Variants in UBE3C observed in about 807,000 individuals in gnomAD.
UBE3C encodes the protein ubiquitin protein ligase E3C, also known as ubiquitin-protein ligase E3C.
Under a neutral mutation model 129.4 loss-of-function variants are expected in UBE3C, and 42 were observed. The observed-to-expected ratio is 0.32, with a 90% CI of 0.25 to 0.42. The LOEUF (loss-of-function observed/expected upper bound fraction) is 0.42. Ranked by LOEUF, UBE3C falls within the 10% of genes least tolerant of loss-of-function variation. UBE3C has a pLI of 1.00. For missense variants in UBE3C, 1,049 were observed against 1,319.1 expected, an observed-to-expected ratio of 0.80 and a Z score of 3.17; for synonymous variants, 510 against 492.4, an observed-to-expected ratio of 1.04 and a Z score of -0.47.
chr7:157,238,901 A>T (rs1420269256), intron 18 of UBE3C, among the ~76,000 whole-genome samples: 2 of 152,218 alleles, frequency 1.3e-5, no homozygotes, highest in Non-Finnish European at 2.9e-5. Flanking sequence ...AAATAAAGAC[A>T]GTGTTTGAAA....
chr7:157,154,125 A>G (rs1362208477), intron 1 of UBE3C, among the ~76,000 whole-genome samples: 2 of 152,150 alleles, frequency 1.3e-5, no homozygotes, highest in Non-Finnish European at 2.9e-5. Context: ...AGTTCAGACC[A>G]GTCTGGCCAA....
intron 10 of UBE3C, 131 bp from the exon 11 acceptor site, chr7:157,201,590 A>C: frequency 1.8e-6 from 1 of 566,178 alleles, no homozygotes. Context: ...TTTTTGTGGT[A>C]TTAGTACAGA....
intron 22 of UBE3C, among the ~76,000 whole-genome samples, chr7:157,262,699 G>A (rs1260151021): frequency 6.6e-6 from 1 of 152,088 alleles, no homozygotes; most frequent in South Asian, 2.1e-4. Context: ...GGGATTACAG[G>A]CATGAGCCAC....
chr7:157,233,945 T>C (rs749768573), intron 18 of UBE3C, among the ~76,000 whole-genome samples: 11 of 152,242 alleles, frequency 7.2e-5, no homozygotes, highest in Non-Finnish European at 1.5e-4. Context: ...TGGTGACTAA[T>C]AATGTTGACC....
chr7:157,230,049 C>A (rs762282141), intron 17 of UBE3C, among the ~76,000 whole-genome samples: 28 of 152,054 alleles, frequency 1.8e-4, no homozygotes, highest in Non-Finnish European at 4.1e-4. Context: ...GCTGGGATTA[C>A]AGACATGTGC....
intron 21 of UBE3C, among the ~76,000 whole-genome samples, chr7:157,254,722 T>C (rs1412234788): frequency 6.6e-6 from 1 of 152,028 alleles, no homozygotes; most frequent in Admixed American, 6.5e-5. Flanking sequence ...TATTGTACTC[T>C]TTTGTAGGGG....
intron 10 of UBE3C, among the ~76,000 whole-genome samples, chr7:157,193,309 T>G (rs1216491971): frequency 6.6e-6 from 1 of 152,178 alleles, no homozygotes; most frequent in African/African-American, 2.4e-5. Flanking sequence ...ATTATTGCCT[T>G]TGTACTTGTG....
At chr7:157,258,946 G>C (rs1313689090) in intron 22 of UBE3C, among the ~76,000 whole-genome samples, 2 of 152,154 alleles carry the variant, frequency 1.3e-5, no homozygotes, top group Non-Finnish European at 1.5e-5. Flanking sequence ...TGAATCATTT[G>C]AGAATAGGTT....
intron 10 of UBE3C, among the ~76,000 whole-genome samples, chr7:157,192,212 C>T (rs550628275): frequency 7.2e-5 from 11 of 152,306 alleles, no homozygotes; most frequent in African/African-American, 2.6e-4. Context: ...ATAATTGTTT[C>T]CCGGGAAATA....
chr7:157,224,393 G>A (rs1426110817), intron 16 of UBE3C, among the ~76,000 whole-genome samples: 2 of 151,688 alleles, frequency 1.3e-5, no homozygotes, highest in East Asian at 1.9e-4. Flanking sequence ...ACGGGGTTTC[G>A]CCGTGTTAGC....
rs751049102 is a variant in UBE3C at position 157,247,692 on chromosome 7, C to CA, written c.2482-665dup. Among the ~76,000 whole-genome samples the CA allele has an allele frequency of 1.1e-3, 155 of 137,974 alleles. 1 individual carries two copies. In the South Asian group the frequency reaches 0.025, roughly 22 times the overall value. The allele number at this position is 137,974 out of a possible 152,430, so 90.5% of individuals were successfully genotyped here. A position where few individuals can be genotyped will look rare whatever the true frequency, so the allele number is the denominator to read the frequency against. ...GGGCAACAGAGCAAGACTCCGTCTCCAAAAAAAAAAAGAGCATAAGTAATA... is the reference window on the plus strand; with the variant it reads ...GGGCAACAGAGCAAGACTCCGTCTCCAAAAAAAAAAAAGAGCATAAGTAATA... On this transcript the variant is annotated intron_variant, in intron 18 of 22. Transcript: ENST00000348165.
rs190578535 is a variant in UBE3C at position 157,232,931 on chromosome 7, G to A, written c.2481+1604G>A. 2.1e-4 allele frequency among the ~76,000 whole-genome samples: 32 copies of A among 152,236 alleles called. No homozygotes were observed. In the Middle Eastern group the frequency reaches 0.01, roughly 49 times the overall value. On this transcript the variant is annotated intron_variant, in intron 18 of 22. Transcript: ENST00000348165. ...ATTATGGAAAATTGAACCTTTTAAA[G>A]TGTACAGTTCAGTGGTTTTTAATAT...
intron 16 of UBE3C, among the ~76,000 whole-genome samples, chr7:157,224,809 C>T (rs1026915985): frequency 1.0e-4 from 15 of 150,116 alleles, no homozygotes; most frequent in African/African-American, 3.3e-4. Flanking sequence ...CTCTCTCTCT[C>T]TCTCCCACTC....
At position 157,163,842 on chromosome 7, in the gene UBE3C, GGAAGAAA is replaced by G. The variant is rs1318366827; in HGVS notation, c.109_115del (p.Arg37GlufsTer8). On this transcript the variant is annotated frameshift_variant, in exon 2 of 23. Transcript: ENST00000348165. LOFTEE classifies it high-confidence loss of function. ...AGGCTTCTCTTTTACATCGTACTCA[GGAAGAAA>G]GAAGAAAGAGAGAGGTAAAAACAGT... The G allele has an allele frequency of 1.2e-6, 2 of 1,613,490 alleles. No individual in the cohort carries two copies. Among genetic ancestry groups the G allele is most frequent in the Non-Finnish European group, 1.7e-6 (2 of 1,179,714 alleles).
intron 5 of UBE3C, among the ~76,000 whole-genome samples, chr7:157,175,276 C>A (rs1224978028): frequency 6.6e-6 from 1 of 150,614 alleles, no homozygotes; most frequent in African/African-American, 2.4e-5. Context: ...TTCACGGATG[C>A]CTTTGAATTA....
At position 157,248,421 on chromosome 7, in the gene UBE3C, C is replaced by T. The variant is rs1796536013; in HGVS notation, c.2535C>T (p.Ser845=). The T allele has an allele frequency of 6.2e-7, 1 of 1,613,530 alleles. No homozygotes were observed. The highest frequency in any genetic ancestry group is 1.1e-5 in the South Asian group (1 of 91,052). Reference sequence around the variant, plus strand: ...TGCCCTTTGCAGGCTTCTTTCTTTCCAAGTTGCTTGGAACCAGTGCCGACG... The same window carrying T: ...TGCCCTTTGCAGGCTTCTTTCTTTCTAAGTTGCTTGGAACCAGTGCCGACG... The part of the protein sequence containing the change: ...VELPFAGFFL[S]KLLGTSADVD... Residue 845 remains serine, a synonymous_variant, in exon 19 of 23, where the codon TCC becomes TCT. Coordinates refer to ENST00000348165, the MANE Select transcript of UBE3C (RefSeq NM_014671.3).
chr7:157,181,474 A>C (rs1808663786), intron 6 of UBE3C, 44 bp from the exon 7 acceptor site: 1 of 1,526,310 alleles, frequency 6.6e-7, no homozygotes, highest in Non-Finnish European at 8.8e-7. Context: ...TTCCCTTATT[A>C]CAGGAAAAGG....
At chr7:157,160,851 T>C (rs1331329734) in intron 1 of UBE3C, among the ~76,000 whole-genome samples, 1 of 152,234 alleles carries the variant, frequency 6.6e-6, no homozygotes, top group Non-Finnish European at 1.5e-5. Flanking sequence ...AGTTTTCTTT[T>C]CCTTGTTTAT....
In UBE3C at chr7:157,245,992, C is replaced by CAAAAA. The variant is rs56270719; in HGVS notation, c.2482-2358_2482-2354dup. Among the ~76,000 whole-genome samples the CAAAAA allele has an allele frequency of 5.8e-4, 50 of 85,538 alleles. 3 individuals carry two copies. Among genetic ancestry groups the CAAAAA allele is most frequent in the African/African-American group, 1.3e-3 (30 of 22,860 alleles). 56.1% of individuals were successfully genotyped at this position (85,538 alleles called of 152,430 possible). ...CGGGCAACAGAGGGAGACTCCGTCTCAAAAAAAAAAAAAAAAAAAAAACAG... is the reference window on the plus strand; with the variant it reads ...CGGGCAACAGAGGGAGACTCCGTCTCAAAAAAAAAAAAAAAAAAAAAAAAAAACAG... On this transcript the variant is annotated intron_variant, in intron 18 of 22. Coordinates refer to ENST00000348165, the MANE Select transcript of UBE3C (RefSeq NM_014671.3).
Sources: allele counts gnomAD v4.1 joint callset (sites outside exome capture counted in the v4.1 genomes callset), GRCh38; gene constraint gnomAD v4.1.1; transcripts MANE v1.5; gene names NCBI Gene and HGNC (gene_info 2026-07-23, HGNC 2026-07-21).